The following BAALC variants were observed in gnomAD, a reference collection of about 807,000 sequenced individuals.
BAALC encodes brain and acute leukemia cytoplasmic protein.
In BAALC, 9 loss-of-function variants were observed where a neutral mutation model predicts 15.5. The ratio of observed to expected loss-of-function variants is 0.58; its 90% confidence interval spans 0.35 to 1.02. BAALC has a LOEUF of 1.02. BAALC is among the 50% of genes least tolerant of loss of function. BAALC has a pLI of 0.02. For synonymous variants in BAALC, 80 were observed against 74.6 expected (o/e 1.07, Z -0.37); for missense variants, 201 against 192.4 (o/e 1.04, Z -0.27).
chr8:103,216,270 T>C (rs1194663427), intron 2 of BAALC, among the ~76,000 whole-genome samples: 1 of 152,232 alleles, frequency 6.6e-6, no homozygotes, highest in African/African-American at 2.4e-5. Context: ...CTTTTGGGAA[T>C]ATACCTAGGA....
At chr8:103,169,857 T>G (rs1304641024) in intron 1 of BAALC, among the ~76,000 whole-genome samples, 1 of 152,184 alleles carries the variant, frequency 6.6e-6, no homozygotes, top group African/African-American at 2.4e-5. Context: ...ATTTGGTATT[T>G]TGGGGAGAGG....
At chr8:103,219,918 T>C (rs1254789119) in intron 2 of BAALC, among the ~76,000 whole-genome samples, 1 of 152,186 alleles carries the variant, frequency 6.6e-6, no homozygotes, top group Non-Finnish European at 1.5e-5. Context: ...AACTAATATT[T>C]TGACGTGCCT....
intron 1 of BAALC, among the ~76,000 whole-genome samples, chr8:103,181,119 G>A (rs976157952): frequency 5.9e-5 from 9 of 152,104 alleles, no homozygotes; most frequent in Admixed American, 2.0e-4. Flanking sequence ...TGTAGGAACC[G>A]ACTATCCCAC....
At chr8:103,202,257 C>A (rs1273131818) in intron 1 of BAALC, among the ~76,000 whole-genome samples, 1 of 152,084 alleles carries the variant, frequency 6.6e-6, no homozygotes, top group African/African-American at 2.4e-5. Flanking sequence ...AAGATAGGGC[C>A]TTTAAAGAGG....
At chr8:103,201,746 T>G (rs1315006952) in intron 1 of BAALC, among the ~76,000 whole-genome samples, 1 of 152,228 alleles carries the variant, frequency 6.6e-6, no homozygotes, top group Non-Finnish European at 1.5e-5. Flanking sequence ...TGCAACCTAC[T>G]GCTAAACTAG....
intron 1 of BAALC, among the ~76,000 whole-genome samples, chr8:103,160,234 C>T (rs1811191957): frequency 6.6e-6 from 1 of 152,164 alleles, no homozygotes; most frequent in Admixed American, 6.5e-5. Context: ...AGTGTAAGAG[C>T]AGGCCCAAGC....
chr8:103,183,463 C>G (rs1404379374), intron 1 of BAALC: 1 of 702,882 alleles, frequency 1.4e-6, no homozygotes, highest in African/African-American at 1.7e-5. Flanking sequence ...GGCCACACAC[C>G]ATGTACAGGT....
At chr8:103,148,577 T>C (rs1438077965) in intron 1 of BAALC, among the ~76,000 whole-genome samples, 1 of 152,238 alleles carries the variant, frequency 6.6e-6, no homozygotes, top group East Asian at 1.9e-4. Context: ...AAGTTATTAT[T>C]GACTATAGTC....
At chr8:103,200,726 G>T (rs1358981304) in intron 1 of BAALC, 1 of 700,822 alleles carries the variant, frequency 1.4e-6, no homozygotes, top group East Asian at 2.7e-5. Flanking sequence ...CTTGTTCTCT[G>T]CTTCAAAGAT....
chr8:103,225,925 A>C (rs114501334), intron 2 of BAALC, among the ~76,000 whole-genome samples: 26 of 152,340 alleles, frequency 1.7e-4, no homozygotes, highest in African/African-American at 4.8e-4. Context: ...AGAAACATAC[A>C]TATCGTTTGC....
intron 1 of BAALC, among the ~76,000 whole-genome samples, chr8:103,207,126 C>A (rs1407777226): frequency 6.6e-6 from 1 of 151,398 alleles, no homozygotes; most frequent in East Asian, 2.0e-4. Flanking sequence ...TGGATCTGGG[C>A]AGGCACTAAT....
At chr8:103,210,567 C>T (rs1198439332) in intron 1 of BAALC, among the ~76,000 whole-genome samples, 1 of 152,182 alleles carries the variant, frequency 6.6e-6, no homozygotes, top group African/African-American at 2.4e-5. Flanking sequence ...TTCTCAACAC[C>T]CAGGGAAAGG....
intron 1 of BAALC, among the ~76,000 whole-genome samples, chr8:103,160,764 G>A (rs1445841464): frequency 2.0e-5 from 3 of 152,184 alleles, no homozygotes; most frequent in Admixed American, 6.5e-5. Flanking sequence ...GGAGTCTGAT[G>A]TTTGACAGCA....
At chr8:103,161,271 T>C (rs1169389794) in intron 1 of BAALC, among the ~76,000 whole-genome samples, 1 of 146,518 alleles carries the variant, frequency 6.8e-6, no homozygotes, top group Non-Finnish European at 1.5e-5. Context: ...TTATTAGTTT[T>C]TGGTTTATCT....
chr8:103,150,221 A>G lies in BAALC; in HGVS notation c.160+9164A>G, dbSNP rs149107100. ...GGGAAAGACTCACCCCCATGATTCA[A>G]TTACCTCCCACCTGGCCCCTCCCAC... On this transcript the variant is annotated intron_variant, in intron 1 of 2. Coordinates refer to ENST00000309982, the MANE Select transcript of BAALC (RefSeq NM_024812.3). Among the ~76,000 whole-genome samples the G allele has an allele frequency of 2.4e-3, 358 of 152,270 alleles. 2 individuals carry two copies. The highest frequency in any genetic ancestry group is 8.2e-3 in the African/African-American group (341 of 41,550).
intron 1 of BAALC, among the ~76,000 whole-genome samples, chr8:103,172,725 G>T (rs2129949100): frequency 6.6e-6 from 1 of 152,250 alleles, no homozygotes; most frequent in South Asian, 2.1e-4. Context: ...CTGAGGTAGA[G>T]CTCTATATCC....
chr8:103,142,629 C>A (rs899394308), intron 1 of BAALC, among the ~76,000 whole-genome samples: 2 of 152,130 alleles, frequency 1.3e-5, no homozygotes, highest in Admixed American at 1.3e-4. Context: ...TAAAAAACAA[C>A]CAAAACCCCG....
chr8:103,163,879 A>G (rs116216635), intron 1 of BAALC, among the ~76,000 whole-genome samples: 1,650 of 151,998 alleles, frequency 0.011, 31 homozygotes, highest in African/African-American at 0.037. Flanking sequence ...TTCAGCACCC[A>G]CCCTAGAGTG....
chr8:103,198,794 C>T (rs1187980906), intron 1 of BAALC, among the ~76,000 whole-genome samples: 1 of 151,976 alleles, frequency 6.6e-6, no homozygotes, highest in Non-Finnish European at 1.5e-5. Context: ...ATCTGTAGTT[C>T]CAGCAACTCA....
Sources: allele counts gnomAD v4.1 joint callset (sites outside exome capture counted in the v4.1 genomes callset), GRCh38; gene constraint gnomAD v4.1.1; transcripts MANE v1.5; gene names NCBI Gene and HGNC (gene_info 2026-07-23, HGNC 2026-07-21).